LIMCH1: variants seen among roughly 807,000 people sequenced by gnomAD.
LIMCH1 encodes the protein LIM and calponin homology domains-containing protein 1.
A neutral mutation model predicts 176.5 loss-of-function variants in LIMCH1; 113 were observed. That is an observed-to-expected ratio of 0.64 (90% CI 0.55 to 0.75). The LOEUF (loss-of-function observed/expected upper bound fraction) is 0.75. Ranked by LOEUF, LIMCH1 falls within the 30% of genes least tolerant of loss-of-function variation. The pLI is 0.00. For synonymous variants in LIMCH1, 619 were observed against 645.9 expected (o/e 0.96, Z 0.63); for missense variants, 1,674 against 1,814.9 (o/e 0.92, Z 1.41).
Position 41,631,377 on chromosome 4 carries a change from T to A in LIMCH1, c.1501T>A (p.Cys501Ser), listed in dbSNP as rs1184036231. The change falls in exon 10 of 32, where the codon TGT becomes AGT. Residue 501 changes from cysteine to serine, a missense_variant. By Grantham distance (112) the Cys-to-Ser change is moderately radical. This residue lies in a region of LIMCH1 where 655 missense variants were observed against 692.2 expected (regional missense o/e 0.95). Coordinates refer to ENST00000503057, the MANE Select transcript of LIMCH1 (RefSeq NM_001330672.2). ...TAGAGAGGATGAAGAAGAAGTCATCTGTCATGGCAGCAAGATTCAAATGGA... is the reference window on the plus strand; with the variant it reads ...TAGAGAGGATGAAGAAGAAGTCATCAGTCATGGCAGCAAGATTCAAATGGA... ...GPREDEEEVI[C>S]HGSKIQMDSV... The A allele has an allele frequency of 6.5e-7, 1 of 1,536,326 alleles. No individual in the cohort carries two copies. The highest frequency in any genetic ancestry group is 2.0e-5 in the Admixed American group (1 of 51,008).
At chr4:41,558,686 T>C (rs2081638771) in intron 1 of LIMCH1, among the ~76,000 whole-genome samples, 1 of 152,208 alleles carries the variant, frequency 6.6e-6, no homozygotes, top group Non-Finnish European at 1.5e-5. Flanking sequence ...CCTACGATGA[T>C]GTCAACCATA....
At chr4:41,651,543 A>G (rs1362539026) in intron 18 of LIMCH1, among the ~76,000 whole-genome samples, 1 of 152,214 alleles carries the variant, frequency 6.6e-6, no homozygotes, top group East Asian at 1.9e-4. Flanking sequence ...TTGTCTCACT[A>G]TTGGTGTCCA....
chr4:41,471,028 T>C (rs1352738142), intron 1 of LIMCH1, among the ~76,000 whole-genome samples: 1 of 50,988 alleles, frequency 2.0e-5, no homozygotes, highest in Admixed American at 1.7e-4. Flanking sequence ...AAACTAAGAC[T>C]TTTTTTTTTT....
At chr4:41,602,713 C>T (rs188972634) in intron 2 of LIMCH1, among the ~76,000 whole-genome samples, 133 of 151,906 alleles carry the variant, frequency 8.8e-4, no homozygotes, top group African/African-American at 3.0e-3. Flanking sequence ...GAGGCTGAGG[C>T]AGGAGAATCG....
At chr4:41,490,096 G>A (rs189630038) in intron 1 of LIMCH1, among the ~76,000 whole-genome samples, 193 of 152,108 alleles carry the variant, frequency 1.3e-3, no homozygotes, top group Middle Eastern at 6.8e-3. Context: ...GGTTGGTCTC[G>A]CTGTCTCAGG....
At chr4:41,576,334 C>A (rs2084461269) in intron 1 of LIMCH1, among the ~76,000 whole-genome samples, 1 of 152,086 alleles carries the variant, frequency 6.6e-6, no homozygotes, top group African/African-American at 2.4e-5. Flanking sequence ...AAAGGCAATA[C>A]TTGCTTATGT....
At chr4:41,427,428 A>G (rs186272944) in intron 1 of LIMCH1, among the ~76,000 whole-genome samples, 28 of 152,252 alleles carry the variant, frequency 1.8e-4, no homozygotes, top group Admixed American at 1.8e-3. Flanking sequence ...GCACTTTTGT[A>G]TGTACAGTCT....
At chr4:41,445,712 T>C (rs1032702766) in intron 1 of LIMCH1, among the ~76,000 whole-genome samples, 1 of 152,228 alleles carries the variant, frequency 6.6e-6, no homozygotes, top group Non-Finnish European at 1.5e-5. Context: ...AGCCTAAAAA[T>C]AGAAATTAAT....
intron 1 of LIMCH1, among the ~76,000 whole-genome samples, chr4:41,433,110 G>A (rs1020385943): frequency 6.6e-6 from 1 of 152,148 alleles, no homozygotes; most frequent in African/African-American, 2.4e-5. Context: ...CATGCTAATT[G>A]GAGAAGGAAA....
At chr4:41,573,806 C>T (rs2083966117) in intron 1 of LIMCH1, among the ~76,000 whole-genome samples, 1 of 152,066 alleles carries the variant, frequency 6.6e-6, no homozygotes, top group African/African-American at 2.4e-5. Flanking sequence ...GTCAGGTCCT[C>T]CTCATAAAGG....
At chr4:41,406,505 G>A (rs936707501) in intron 1 of LIMCH1, among the ~76,000 whole-genome samples, 6 of 152,102 alleles carry the variant, frequency 3.9e-5, no homozygotes, top group South Asian at 2.1e-4. Context: ...ACTGCAAGCA[G>A]CTTCCCCCTC....
intron 1 of LIMCH1, among the ~76,000 whole-genome samples, chr4:41,402,331 T>C (rs1324850046): frequency 2.6e-5 from 4 of 151,562 alleles, no homozygotes; most frequent in Non-Finnish European, 5.9e-5. Flanking sequence ...AAACAACAGG[T>C]GCTGGAGAGG....
chr4:41,371,646 C>CT (rs5857793), intron 1 of LIMCH1, among the ~76,000 whole-genome samples: 71,666 of 151,974 alleles, frequency 0.47, 19,675 homozygotes, highest in African/African-American at 0.78. Context: ...CTGCTGCCCC[C>CT]GTCCCAGTTT....
At chr4:41,695,043 G>A (rs1729456437) in intron 31 of LIMCH1, among the ~76,000 whole-genome samples, 1 of 151,934 alleles carries the variant, frequency 6.6e-6, no homozygotes, top group African/African-American at 2.4e-5. Flanking sequence ...TCTGTAAAGT[G>A]CTTCCCTAGC....
intron 22 of LIMCH1, 65 bp downstream of exon 22, chr4:41,671,659 T>A: frequency 2.4e-6 from 3 of 1,268,974 alleles, no homozygotes; most frequent in Non-Finnish European, 3.5e-6. Flanking sequence ...AACATTTGAT[T>A]GGCTCAAAGA....
chr4:41,443,769 C>T (rs2062965701), intron 1 of LIMCH1, among the ~76,000 whole-genome samples: 1 of 152,054 alleles, frequency 6.6e-6, no homozygotes, highest in South Asian at 2.1e-4. Flanking sequence ...TGAGAGAGGC[C>T]CATGGAACAA....
chr4:41,403,732 T>G (rs2058696042), intron 1 of LIMCH1, among the ~76,000 whole-genome samples: 1 of 152,228 alleles, frequency 6.6e-6, no homozygotes, highest in African/African-American at 2.4e-5. Context: ...CTTATACACT[T>G]AATTCCCATA....
At chr4:41,475,241 A>G (rs902922615) in intron 1 of LIMCH1, among the ~76,000 whole-genome samples, 1 of 152,224 alleles carries the variant, frequency 6.6e-6, no homozygotes, top group African/African-American at 2.4e-5. Context: ...GCAAGTTTAG[A>G]AGTATCTGAA....
chr4:41,593,638 G>C (rs56181434), intron 1 of LIMCH1, among the ~76,000 whole-genome samples: 13,077 of 152,150 alleles, frequency 0.086, 1,816 homozygotes, highest in African/African-American at 0.3. Context: ...TGGTGAATAA[G>C]CGAATACAGG....
Sources: gnomAD v4.1 joint callset for allele counts (sites outside exome capture counted in the v4.1 genomes callset) on GRCh38, gnomAD v4.1.1 for gene constraint, gnomAD v4.1.1 regional missense constraint, MANE v1.5 for transcripts, NCBI Gene and HGNC (gene_info 2026-07-23, HGNC 2026-07-21) for gene names.